Variants in IFNG-AS1 observed in about 807,000 individuals in gnomAD.
IFNG-AS1 encodes IFNG regulatory antisense RNA 1.
At chr12:68,007,785 A>T (rs536652019) in intron 3 of IFNG-AS1, among the ~76,000 whole-genome samples, 23 of 152,342 alleles carry the variant, frequency 1.5e-4, no homozygotes, top group Admixed American at 5.2e-4. Flanking sequence ...ATAGATAGAA[A>T]GACAGAAGAA....
chr12:67,998,353 A>T (rs1879689031), intron 2 of IFNG-AS1, among the ~76,000 whole-genome samples: 2 of 152,016 alleles, frequency 1.3e-5, no homozygotes, highest in Non-Finnish European at 2.9e-5. Flanking sequence ...AACACAATCC[A>T]AATAGGTTTT....
chr12:68,019,268 T>C (rs2120487110), intron 3 of IFNG-AS1, among the ~76,000 whole-genome samples: 1 of 152,286 alleles, frequency 6.6e-6, no homozygotes, highest in Admixed American at 6.5e-5. Flanking sequence ...TCACTAGCAC[T>C]TACATGTGCT....
chr12:68,002,181 C>T (rs1006983354), intron 2 of IFNG-AS1, among the ~76,000 whole-genome samples: 8 of 152,164 alleles, frequency 5.3e-5, no homozygotes, highest in South Asian at 2.1e-4. Context: ...TCAAATTGTG[C>T]GTGAGTCAGT....
chr12:68,014,532 C>T (rs920868469), intron 3 of IFNG-AS1, among the ~76,000 whole-genome samples: 3 of 152,122 alleles, frequency 2.0e-5, no homozygotes, highest in Non-Finnish European at 4.4e-5. Context: ...TATTGCATTT[C>T]CCTGATCATT....
At chr12:68,010,754 A>T (rs1880008113) in intron 3 of IFNG-AS1, among the ~76,000 whole-genome samples, 1 of 152,202 alleles carries the variant, frequency 6.6e-6, no homozygotes, top group African/African-American at 2.4e-5. Flanking sequence ...ATATTAGGGA[A>T]GTGAGAGAAA....
chr12:68,015,229 G>A (rs11177004), intron 3 of IFNG-AS1, among the ~76,000 whole-genome samples: 32,778 of 152,030 alleles, frequency 0.22, 3,899 homozygotes, highest in East Asian at 0.49. Context: ...TTCAACTCGG[G>A]GCTGGATTAT....
rs1879696117 is a variant in IFNG-AS1, at chr12:67,998,605, A to G, written n.184+2532A>G. 2.0e-5 allele frequency among the ~76,000 whole-genome samples: 3 copies of G among 152,026 alleles called. No homozygotes were observed. In the South Asian group the frequency reaches 6.2e-4, roughly 32 times the overall value. On this transcript the variant is annotated intron_variant and non_coding_transcript_variant, in intron 2 of 5. Coordinates refer to ENST00000536914, the Ensembl canonical transcript of IFNG-AS1. Reference sequence around the variant, plus strand: ...CTCTTTCTACAGTTCTGACTTTTAGAAACCATGGTAATGTTTCATTACCAA... The same window carrying G: ...CTCTTTCTACAGTTCTGACTTTTAGGAACCATGGTAATGTTTCATTACCAA...
At chr12:68,012,201 T>G (rs141733344) in intron 3 of IFNG-AS1, among the ~76,000 whole-genome samples, 132 of 152,336 alleles carry the variant, frequency 8.7e-4, no homozygotes, top group African/African-American at 3.0e-3. Context: ...TTACTCTTCA[T>G]GCCAAGTTGC....
At chr12:68,020,528 A>G (rs889871227) in intron 4 of IFNG-AS1, 7 of 152,152 alleles carry the variant, frequency 4.6e-5, no homozygotes, top group African/African-American at 1.4e-4. Flanking sequence ...AATGTTTACA[A>G]CCTCTAAGGT....
At chr12:67,993,280 C>G (rs1164856779) in intron 1 of IFNG-AS1, among the ~76,000 whole-genome samples, 1 of 152,142 alleles carries the variant, frequency 6.6e-6, no homozygotes, top group Non-Finnish European at 1.5e-5. Context: ...TTCTTTCACT[C>G]GGACAGGATT....
chr12:68,000,452 G>A (rs1211496412), intron 2 of IFNG-AS1, among the ~76,000 whole-genome samples: 1 of 152,110 alleles, frequency 6.6e-6, no homozygotes, highest in Non-Finnish European at 1.5e-5. Flanking sequence ...AGAATAGCTT[G>A]AGGCCAGGAG....
chr12:68,006,836 G>C (rs1879916694), intron 3 of IFNG-AS1, among the ~76,000 whole-genome samples: 1 of 152,188 alleles, frequency 6.6e-6, no homozygotes, highest in Non-Finnish European at 1.5e-5. Flanking sequence ...ACTCACATGA[G>C]ACCCTAGTCC....
chr12:68,000,301 A>G (rs533136376), intron 2 of IFNG-AS1, among the ~76,000 whole-genome samples: 1 of 152,348 alleles, frequency 6.6e-6, no homozygotes, highest in East Asian at 1.9e-4. Flanking sequence ...ATTTCTACCT[A>G]TGATTACAAA....
At chr12:68,014,223 C>G (rs1413486308) in intron 3 of IFNG-AS1, among the ~76,000 whole-genome samples, 1 of 152,152 alleles carries the variant, frequency 6.6e-6, no homozygotes. Context: ...ATGATTTTTG[C>G]AATTGCAAGT....
intron 3 of IFNG-AS1, among the ~76,000 whole-genome samples, chr12:68,015,952 G>C: frequency 9.6e-6 from 1 of 103,638 alleles, no homozygotes; most frequent in South Asian, 3.3e-4. Flanking sequence ...ACGGGGGGGG[G>C]AAAAAAAACC....
chr12:68,020,129 G>A (rs754581252), intron 4 of IFNG-AS1: 8 of 152,160 alleles, frequency 5.3e-5, no homozygotes, highest in Admixed American at 1.3e-4. Context: ...GCTGTGAAGG[G>A]CCCTGAAGGT....
chr12:68,003,191 A>G (rs1243157253), intron 2 of IFNG-AS1, among the ~76,000 whole-genome samples: 1 of 152,088 alleles, frequency 6.6e-6, no homozygotes, highest in African/African-American at 2.4e-5. Context: ...TAGCTTTTTA[A>G]TCAGTCTTTT....
intron 4 of IFNG-AS1, chr12:68,020,884 T>A (rs150369580): frequency 2.0e-5 from 3 of 151,904 alleles, no homozygotes; most frequent in African/African-American, 7.3e-5. Flanking sequence ...AGGGTGGGAG[T>A]GTTTCAAAGA....
intron 2 of IFNG-AS1, among the ~76,000 whole-genome samples, chr12:68,000,934 A>G (rs140269615): frequency 0.02 from 3,089 of 152,268 alleles, 38 homozygotes; most frequent in Non-Finnish European, 0.031. Flanking sequence ...TCTAGGCAAC[A>G]GATTTAGAGA....
Sources: gnomAD v4.1 joint callset for allele counts (sites outside exome capture counted in the v4.1 genomes callset) on GRCh38, gnomAD v4.1.1 for gene constraint, MANE v1.5 for transcripts, NCBI Gene and HGNC (gene_info 2026-07-23, HGNC 2026-07-21) for gene names.